The following KLF8 variants were observed in gnomAD, a reference collection of about 807,000 sequenced individuals.
KLF8 encodes Krueppel-like factor 8.
Under a neutral mutation model 18.2 loss-of-function variants are expected in KLF8, and 10 were observed. That is an observed-to-expected ratio of 0.55 (90% confidence interval 0.34 to 0.93). KLF8 has a LOEUF of 0.93. Among genes scored for constraint, KLF8 ranks in the 40% least tolerant of loss-of-function variants. The pLI, the probability that KLF8 is intolerant of heterozygous loss-of-function variation, is 0.02. For missense variants in KLF8, 264 were observed against 277.9 expected (o/e 0.95, Z 0.36); for synonymous variants, 109 against 97.3 (o/e 1.12, Z -0.71).
At position 56,285,917 on chromosome X, in the gene KLF8, T is replaced by C. The variant is rs1010892053; in HGVS notation, c.*1423T>C. On this transcript the variant is annotated 3_prime_UTR_variant, in exon 6 of 6. Coordinates refer to ENST00000468660, the MANE Select transcript of KLF8 (RefSeq NM_007250.5). ...CTCTCTTTAAAAGATTGTCTTTATA[T>C]TGAACACCTTTTTCTTTTCAACCCT... The C allele has an allele frequency of 2.7e-5, 3 of 110,904 alleles. No individual in the cohort carries two copies. Among genetic ancestry groups the C allele is most frequent in the African/African-American group, 9.8e-5 (3 of 30,492 alleles). 9.1% of individuals were successfully genotyped at this position (110,904 alleles called of 1,213,427 possible).
the KLF8 span, among the ~76,000 whole-genome samples, chrX:56,035,267 T>C: frequency 1.8e-5 from 2 of 111,876 alleles, no homozygotes; most frequent in African/African-American, 6.5e-5. Flanking sequence ...TATCCTCCAG[T>C]TCCATCCACG....
chrX:56,048,311 T>C, the KLF8 span, among the ~76,000 whole-genome samples: 1 of 111,950 alleles, frequency 8.9e-6, no homozygotes, highest in Middle Eastern at 4.2e-3. Flanking sequence ...GTTGCCATTG[T>C]CTTTGGTGTT....
chrX:56,000,729 C>A, the KLF8 span, among the ~76,000 whole-genome samples: 4 of 110,736 alleles, frequency 3.6e-5, no homozygotes, highest in Non-Finnish European at 7.6e-5. Context: ...TTTGAATATT[C>A]TCTTTTTTGT....
the KLF8 span, among the ~76,000 whole-genome samples, chrX:56,032,427 A>G: frequency 1.8e-5 from 2 of 111,591 alleles, no homozygotes; most frequent in Non-Finnish European, 3.8e-5. Flanking sequence ...CACCACTATA[A>G]TCAAGATAAA....
At chrX:56,162,214 G>T in the KLF8 span, among the ~76,000 whole-genome samples, 1 of 112,165 alleles carries the variant, frequency 8.9e-6, no homozygotes, top group Admixed American at 9.4e-5. Context: ...ATACTTGGGG[G>T]TCATGGACCC....
the KLF8 span, among the ~76,000 whole-genome samples, chrX:56,048,729 T>C: frequency 3.6e-5 from 4 of 111,878 alleles, no homozygotes; most frequent in South Asian, 1.1e-3. Flanking sequence ...TCTTTTGGCT[T>C]AGGATTGACG....
the KLF8 span, among the ~76,000 whole-genome samples, chrX:56,076,623 C>G: frequency 9.0e-6 from 1 of 111,437 alleles, no homozygotes; most frequent in Admixed American, 9.5e-5. Context: ...GTCTTTATAG[C>G]AGCATGACTT....
Position 56,284,624 on chromosome X carries a change from G to C in KLF8, c.*130G>C. ...AAGCAGCCCACTGAGCCAAGTTGAGGAGACTGGAGGAAAAGAGAGCTGGTC... is the reference window on the plus strand; with the variant it reads ...AAGCAGCCCACTGAGCCAAGTTGAGCAGACTGGAGGAAAAGAGAGCTGGTC... On this transcript the variant is annotated 3_prime_UTR_variant, in exon 6 of 6. Coordinates refer to ENST00000468660, the MANE Select transcript of KLF8 (RefSeq NM_007250.5). 2.1e-6 allele frequency: 1 copy of C among 466,711 alleles called. No individual in the cohort carries two copies. Among genetic ancestry groups the C allele is most frequent in the Non-Finnish European group, 3.3e-6 (1 of 300,379 alleles). 38.5% of individuals were successfully genotyped at this position (466,711 alleles called of 1,213,427 possible).
chrX:56,099,068 A>G, the KLF8 span, among the ~76,000 whole-genome samples: 1 of 112,015 alleles, frequency 8.9e-6, no homozygotes, highest in African/African-American at 3.2e-5. Context: ...CACTTTGCAG[A>G]TGTGTTTTCA....
At chrX:56,184,563 C>A in the KLF8 span, among the ~76,000 whole-genome samples, 1 of 112,382 alleles carries the variant, frequency 8.9e-6, no homozygotes, top group African/African-American at 3.2e-5. Context: ...AATGGGCAGA[C>A]TGCCTCCTCA....
chrX:56,053,282 AT>A, the KLF8 span, among the ~76,000 whole-genome samples: 2 of 110,583 alleles, frequency 1.8e-5, no homozygotes, highest in South Asian at 3.9e-4. Flanking sequence ...TCCTCCCCCT[AT>A]TTTTTGTTTT....
chrX:55,966,070 A>G, the KLF8 span, among the ~76,000 whole-genome samples: 1 of 112,178 alleles, frequency 8.9e-6, no homozygotes, highest in Non-Finnish European at 1.9e-5. Flanking sequence ...AGGAGGCAAG[A>G]GTGTGAAGGA....
the KLF8 span, among the ~76,000 whole-genome samples, chrX:56,147,624 G>T: frequency 8.9e-6 from 1 of 111,816 alleles, no homozygotes; most frequent in Non-Finnish European, 1.9e-5. Flanking sequence ...GTTAGAGAAG[G>T]GTAAGCAGTG....
At chrX:55,961,822 G>A in the KLF8 span, 1 of 278,183 alleles carries the variant, frequency 3.6e-6, no homozygotes, top group Non-Finnish European at 6.8e-6. Context: ...TTTTCTGCAT[G>A]CCTGTGCCCA....
chrX:56,048,588 C>T, the KLF8 span, among the ~76,000 whole-genome samples: 294 of 111,591 alleles, frequency 2.6e-3, 1 homozygote, highest in African/African-American at 9.2e-3. Context: ...AGATGTGCGG[C>T]ATTATTTATG....
the KLF8 span, among the ~76,000 whole-genome samples, chrX:55,948,040 T>C: frequency 8.9e-6 from 1 of 111,976 alleles, no homozygotes; most frequent in Admixed American, 9.5e-5. Context: ...TTGCATACAT[T>C]TTTGGTGCTG....
At chrX:56,269,556 C>A in intron 4 of KLF8, 67 bp downstream of exon 4, 1 of 1,088,245 alleles carries the variant, frequency 9.2e-7, no homozygotes, top group Non-Finnish European at 1.2e-6. Flanking sequence ...TGTACATTTG[C>A]ACATATGTAT....
the KLF8 span, among the ~76,000 whole-genome samples, chrX:56,185,320 G>C: frequency 1.8e-5 from 2 of 111,725 alleles, no homozygotes; most frequent in Non-Finnish European, 3.8e-5. Flanking sequence ...GGGAAGTTTA[G>C]AGAAAAAAGA....
intron 2 of KLF8, among the ~76,000 whole-genome samples, chrX:56,252,652 T>C: frequency 8.9e-6 from 1 of 112,406 alleles, no homozygotes; most frequent in Non-Finnish European, 1.9e-5. Flanking sequence ...TTCCAAATCT[T>C]AGCTATTGTG....
Sources: allele counts gnomAD v4.1 joint callset (sites outside exome capture counted in the v4.1 genomes callset), GRCh38; gene constraint gnomAD v4.1.1; transcripts MANE v1.5; gene names NCBI Gene and HGNC (gene_info 2026-07-23, HGNC 2026-07-21).